Variants in STRN3 observed in about 807,000 individuals in gnomAD.
STRN3 encodes the protein striatin 3.
In STRN3, 29 loss-of-function variants were observed where a neutral mutation model predicts 95.6. That is an observed-to-expected ratio of 0.30 (90% CI 0.23 to 0.41). STRN3 has a LOEUF of 0.41. Ranked by LOEUF, STRN3 falls within the 10% of genes least tolerant of loss-of-function variation. The pLI, the probability that STRN3 is intolerant of heterozygous loss-of-function variation, is 1.00. For synonymous variants in STRN3, 331 were observed against 357.6 expected (o/e 0.93, Z 0.84); for missense variants, 890 against 972.1 (o/e 0.92, Z 1.12).
At chr14:30,959,575 CT>C (rs1427529110) in intron 1 of STRN3, among the ~76,000 whole-genome samples, 3 of 152,140 alleles carry the variant, frequency 2.0e-5, no homozygotes, top group Non-Finnish European at 2.9e-5. Flanking sequence ...TAACAATCTA[CT>C]TTTCAGCAAT....
intron 1 of STRN3, among the ~76,000 whole-genome samples, chr14:30,975,553 A>AG: frequency 1.5e-5 from 2 of 130,540 alleles, no homozygotes; most frequent in Non-Finnish European, 3.4e-5. Context: ...AAAAAAAAAA[A>AG]AAAAGAAGAA....
At chr14:30,913,985 A>C (rs1189453720) in intron 9 of STRN3, among the ~76,000 whole-genome samples, 1 of 152,216 alleles carries the variant, frequency 6.6e-6, no homozygotes, top group African/African-American at 2.4e-5. Context: ...AAATAGGACA[A>C]ATTTTGATTA....
At chr14:30,910,890 T>G in intron 13 of STRN3, 151 bp downstream of exon 13, 1 of 751,918 alleles carries the variant, frequency 1.3e-6, no homozygotes, top group Non-Finnish European at 2.0e-6. Flanking sequence ...ATTTCCTAAT[T>G]TTTCTCTTTA....
chr14:31,006,582 C>T (rs1034625719), intron 1 of STRN3, among the ~76,000 whole-genome samples: 5 of 151,970 alleles, frequency 3.3e-5, no homozygotes, highest in African/African-American at 1.2e-4. Flanking sequence ...TGTAATCCAG[C>T]TACTTGGGAG....
intron 10 of STRN3, 74 bp from the exon 11 acceptor site, chr14:30,912,256 T>C: frequency 6.9e-7 from 1 of 1,448,296 alleles, no homozygotes; most frequent in Admixed American, 2.2e-5. Flanking sequence ...TGTTCGTTTC[T>C]TTTTGGTGTG....
intron 1 of STRN3, among the ~76,000 whole-genome samples, chr14:30,958,173 C>T (rs535141040): frequency 3.3e-4 from 50 of 151,458 alleles, no homozygotes; most frequent in African/African-American, 1.2e-3. Flanking sequence ...ATTAGCCAGG[C>T]GTGGTAGCAT....
chr14:31,013,867 TTATTATTA>T (rs1566493156), intron 1 of STRN3, among the ~76,000 whole-genome samples: 3,164 of 92,724 alleles, frequency 0.034, 84 homozygotes, highest in Middle Eastern at 0.049. Flanking sequence ...AGCAATTTTA[TTATTATTA>T]TTATTATTAT....
intron 1 of STRN3, among the ~76,000 whole-genome samples, chr14:31,020,238 C>A (rs1210337593): frequency 3.3e-5 from 5 of 152,194 alleles, no homozygotes; most frequent in Non-Finnish European, 7.3e-5. Flanking sequence ...GTGGCTCATG[C>A]CTGTAATCCT....
intron 14 of STRN3, among the ~76,000 whole-genome samples, chr14:30,905,915 G>C (rs534409440): frequency 4.6e-5 from 7 of 152,178 alleles, no homozygotes; most frequent in Non-Finnish European, 1.0e-4. Context: ...ACTGTAAAAT[G>C]ATAAATTAGC....
intron 1 of STRN3, among the ~76,000 whole-genome samples, chr14:31,001,381 A>T (rs1251893540): frequency 6.6e-6 from 1 of 152,022 alleles, no homozygotes; most frequent in African/African-American, 2.4e-5. Flanking sequence ...AAAAAAATTT[A>T]AAAATTTTGC....
chr14:31,008,629 T>A (rs561615191), intron 1 of STRN3, among the ~76,000 whole-genome samples: 1 of 152,274 alleles, frequency 6.6e-6, no homozygotes, highest in African/African-American at 2.4e-5. Flanking sequence ...TAAGTAAATA[T>A]CACAAGAGTT....
intron 13 of STRN3, among the ~76,000 whole-genome samples, chr14:30,909,123 G>A (rs1422299381): frequency 6.6e-6 from 1 of 152,190 alleles, no homozygotes. Context: ...AAAACTTTGT[G>A]AATGTTCTGA....
intron 7 of STRN3, among the ~76,000 whole-genome samples, chr14:30,929,685 A>G (rs565229461): frequency 6.0e-4 from 91 of 152,186 alleles, no homozygotes; most frequent in African/African-American, 2.0e-3. Context: ...AATGAAATAC[A>G]TGCGAACTAC....
intron 1 of STRN3, among the ~76,000 whole-genome samples, chr14:31,013,863 T>TTTATTATTATTATTATTA (rs548417882): frequency 3.7e-5 from 3 of 81,046 alleles, no homozygotes; most frequent in Admixed American, 1.2e-4. Context: ...TCAAAGCAAT[T>TTTATTATTATTATTATTA]TTATTATTAT....
chr14:30,975,127 C>A (rs1881029614), intron 1 of STRN3, among the ~76,000 whole-genome samples: 2 of 149,304 alleles, frequency 1.3e-5, no homozygotes, highest in Admixed American at 1.4e-4. Context: ...TATAGCAGCA[C>A]AATTCATAAC....
At chr14:30,925,004 T>C (rs1896987038) in intron 8 of STRN3, among the ~76,000 whole-genome samples, 1 of 152,142 alleles carries the variant, frequency 6.6e-6, no homozygotes, top group Non-Finnish European at 1.5e-5. Context: ...AAATAAAAAG[T>C]TAAAAGGAAA....
At chr14:30,905,668 G>GA in intron 14 of STRN3, 110 bp from the exon 15 acceptor site, 1 of 1,135,168 alleles carries the variant, frequency 8.8e-7, no homozygotes, top group Non-Finnish European at 1.2e-6. Flanking sequence ...AAATAGTCTT[G>GA]AAATACTGTT....
intron 1 of STRN3, among the ~76,000 whole-genome samples, chr14:30,971,739 G>A (rs1880838740): frequency 6.6e-6 from 1 of 152,234 alleles, no homozygotes; most frequent in East Asian, 1.9e-4. Flanking sequence ...CAGCAACTCA[G>A]GGGTAAATGA....
intron 16 of STRN3, among the ~76,000 whole-genome samples, chr14:30,896,959 T>C (rs1192663446): frequency 1.3e-5 from 2 of 152,212 alleles, no homozygotes; most frequent in African/African-American, 2.4e-5. Context: ...AATGGTAATA[T>C]ATGCTTTGGA....
Sources: gnomAD v4.1 joint callset for allele counts (sites outside exome capture counted in the v4.1 genomes callset) on GRCh38, gnomAD v4.1.1 for gene constraint, MANE v1.5 for transcripts, NCBI Gene and HGNC (gene_info 2026-07-23, HGNC 2026-07-21) for gene names.